MAP4K3: variants seen among roughly 807,000 people sequenced by gnomAD.
MAP4K3 encodes MAPK/ERK kinase kinase kinase 3.
In MAP4K3, 94 loss-of-function variants were observed where a neutral mutation model predicts 143.5. The observed-to-expected ratio is 0.65, with a 90% CI of 0.55 to 0.78. The LOEUF is 0.78. Among genes scored for constraint, MAP4K3 ranks in the 30% least tolerant of loss-of-function variants. MAP4K3 has a pLI of 0.00. For synonymous variants in MAP4K3, 416 were observed against 347.2 expected (o/e 1.20, Z -2.20); for missense variants, 1,077 against 1,068.1 (o/e 1.01, Z -0.12).
At position 39,263,551 on chromosome 2, in the gene MAP4K3, T is replaced by A. The variant is rs191274103; in HGVS notation, c.2136+1652A>T. Among the ~76,000 whole-genome samples, 587 of 151,810 alleles carry A rather than the reference T, an allele frequency of 3.9e-3. 7 individuals are homozygous for A. The highest frequency in any genetic ancestry group is 0.013 in the African/African-American group (558 of 41,396). The stretch of plus-strand genomic sequence containing the variant: ...GCCTCGGCCTCCCAAAGTGCTGGGA[T>A]TACAAGCGTGAGCCACCGCGCCCGG... On this transcript the variant is annotated intron_variant, in intron 28 of 33. Transcript: ENST00000263881.
chr2:39,306,910 C>A (rs1682728078), intron 15 of MAP4K3, among the ~76,000 whole-genome samples: 1 of 152,256 alleles, frequency 6.6e-6, no homozygotes, highest in Admixed American at 6.5e-5. Flanking sequence ...CTCATCAACA[C>A]TTGCCACCTG....
intron 29 of MAP4K3, among the ~76,000 whole-genome samples, chr2:39,260,195 C>T (rs760393572): frequency 5.3e-5 from 8 of 152,108 alleles, no homozygotes; most frequent in Non-Finnish European, 8.8e-5. Context: ...CTCACTGCAC[C>T]CTCGACCTCC....
chr2:39,323,808 C>G (rs1213611620), intron 12 of MAP4K3: 1 of 151,508 alleles, frequency 6.6e-6, no homozygotes, highest in Non-Finnish European at 1.5e-5. Flanking sequence ...AGAAATGAAA[C>G]ACATTAACTC....
intron 12 of MAP4K3, among the ~76,000 whole-genome samples, chr2:39,321,303 GCTCT>G (rs1405376155): frequency 5.9e-5 from 9 of 152,118 alleles, no homozygotes; most frequent in Non-Finnish European, 1.3e-4. Context: ...CCAACCCCGT[GCTCT>G]CTGAAACATG....
intron 4 of MAP4K3, among the ~76,000 whole-genome samples, chr2:39,341,975 CT>C (rs1665152531): frequency 6.6e-6 from 1 of 151,986 alleles, no homozygotes; most frequent in South Asian, 2.1e-4. Flanking sequence ...TTCTCATACT[CT>C]TTCACCTGGT....
At chr2:39,399,156 G>A (rs1242224170) in intron 1 of MAP4K3, among the ~76,000 whole-genome samples, 2 of 151,572 alleles carry the variant, frequency 1.3e-5, no homozygotes, top group African/African-American at 4.9e-5. Context: ...ACTAAAGAAC[G>A]TACTATGCTT....
intron 1 of MAP4K3, among the ~76,000 whole-genome samples, chr2:39,399,536 A>G (rs775473188): frequency 1.3e-5 from 2 of 152,210 alleles, no homozygotes; most frequent in Non-Finnish European, 2.9e-5. Flanking sequence ...CAAGAGGAAG[A>G]CAAAAGTCTA....
At chr2:39,353,084 A>AT (rs905313249) in intron 3 of MAP4K3, among the ~76,000 whole-genome samples, 87 of 152,228 alleles carry the variant, frequency 5.7e-4, no homozygotes, top group African/African-American at 2.0e-3. Flanking sequence ...ATGCCAAAAA[A>AT]GACATCAGAC....
At chr2:39,340,337 T>C (rs1665104210) in intron 4 of MAP4K3, among the ~76,000 whole-genome samples, 1 of 152,176 alleles carries the variant, frequency 6.6e-6, no homozygotes, top group African/African-American at 2.4e-5. Flanking sequence ...GGTGAAAACA[T>C]GGGTACAGCC....
At chr2:39,378,325 T>C (rs868462539) in intron 1 of MAP4K3, among the ~76,000 whole-genome samples, 59 of 152,332 alleles carry the variant, frequency 3.9e-4, no homozygotes, top group South Asian at 2.1e-4. Context: ...GCAAAACTAA[T>C]AGCTAATATA....
At chr2:39,401,834 T>C (rs1410459025) in intron 1 of MAP4K3, among the ~76,000 whole-genome samples, 1 of 152,072 alleles carries the variant, frequency 6.6e-6, no homozygotes, top group East Asian at 1.9e-4. Flanking sequence ...AATCTGTTTC[T>C]GAAGTAATTT....
chr2:39,403,590 T>G (rs1667012043), intron 1 of MAP4K3, among the ~76,000 whole-genome samples: 1 of 152,024 alleles, frequency 6.6e-6, no homozygotes, highest in African/African-American at 2.4e-5. Flanking sequence ...AGAACTTGAG[T>G]TCTGGCAAGC....
At chr2:39,395,740 G>A (rs1666786726) in intron 1 of MAP4K3, among the ~76,000 whole-genome samples, 1 of 152,086 alleles carries the variant, frequency 6.6e-6, no homozygotes, top group Non-Finnish European at 1.5e-5. Context: ...ATTATTCAAA[G>A]AATCAGACAC....
chr2:39,273,898 G>C (rs1267817230), intron 24 of MAP4K3, among the ~76,000 whole-genome samples: 1 of 152,198 alleles, frequency 6.6e-6, no homozygotes, highest in East Asian at 1.9e-4. Flanking sequence ...ATCAGGTAGA[G>C]AAGGGGCAAT....
intron 1 of MAP4K3, among the ~76,000 whole-genome samples, chr2:39,414,758 C>T (rs1336237582): frequency 6.6e-6 from 1 of 152,026 alleles, no homozygotes; most frequent in Non-Finnish European, 1.5e-5. Flanking sequence ...GCATGTAGTC[C>T]CAGCTACTCG....
At chr2:39,386,011 C>T (rs192295068) in intron 1 of MAP4K3, among the ~76,000 whole-genome samples, 254 of 152,280 alleles carry the variant, frequency 1.7e-3, no homozygotes, top group Non-Finnish European at 3.0e-3. Context: ...TTGAATTGTG[C>T]TCCCTACCAA....
rs1391010400 is a variant in MAP4K3 at position 39,309,632 on chromosome 2, A to C, written c.998-113T>G. 5 of 572,070 alleles carry C rather than the reference A, an allele frequency of 8.7e-6. No homozygotes were observed. The Admixed American group carries it at 1.2e-4, about 14-fold the overall frequency. 35.4% of individuals were successfully genotyped at this position (572,070 alleles called of 1,614,324 possible). A position where few individuals can be genotyped will look rare whatever the true frequency, so the allele number is the denominator to read the frequency against. ...GAGTGCAGTGGCGCAATCTCAGCTC[A>C]CTGCAATCTCCACCCCCTGGGTTCC... On this transcript the variant is annotated intron_variant, in intron 13 of 33. Coordinates refer to ENST00000263881, the MANE Select transcript of MAP4K3 (RefSeq NM_003618.4).
intron 1 of MAP4K3, among the ~76,000 whole-genome samples, chr2:39,410,402 A>T (rs1667204415): frequency 6.6e-6 from 1 of 152,222 alleles, no homozygotes; most frequent in African/African-American, 2.4e-5. Flanking sequence ...ATCATAACAA[A>T]GCAACTGGTA....
intron 2 of MAP4K3, among the ~76,000 whole-genome samples, chr2:39,356,557 T>C (rs72927119): frequency 0.07 from 10,593 of 152,248 alleles, 1,258 homozygotes; most frequent in African/African-American, 0.24. Flanking sequence ...GCATGAACTC[T>C]GGTCCCAGAC....
Sources: gnomAD v4.1 joint callset for allele counts (sites outside exome capture counted in the v4.1 genomes callset) on GRCh38, gnomAD v4.1.1 for gene constraint, MANE v1.5 for transcripts, NCBI Gene and HGNC (gene_info 2026-07-23, HGNC 2026-07-21) for gene names.